Variants in SLC5A4 observed in about 807,000 individuals in gnomAD.
SLC5A4 encodes the protein probable glucose sensor protein SLC5A4.
A neutral mutation model predicts 70.3 loss-of-function variants in SLC5A4; 55 were observed. The observed-to-expected ratio is 0.78, with a 90% CI of 0.63 to 0.98. SLC5A4 has a LOEUF of 0.98. Ranked by LOEUF, SLC5A4 falls within the 50% of genes least tolerant of loss-of-function variation. SLC5A4 has a pLI of 0.00. For missense variants in SLC5A4, 735 were observed against 839.2 expected (o/e 0.88, Z 1.53); for synonymous variants, 268 against 305.7 (o/e 0.88, Z 1.29).
chr22:32,351,715 CGTGGGGGGAGGGTGGGGGCG>C, the SLC5A4 span, among the ~76,000 whole-genome samples: 4 of 12,726 alleles, frequency 3.1e-4, no homozygotes, highest in East Asian at 1.8e-3. Flanking sequence ...GGGTGGGGGG[CGTGGGGGGAGGGTGGGGGCG>C]GTGGGGGGAG....
chr22:32,335,021 G>A, the SLC5A4 span, among the ~76,000 whole-genome samples: 1 of 152,158 alleles, frequency 6.6e-6, no homozygotes, highest in Non-Finnish European at 1.5e-5. Flanking sequence ...AGAGAGCGGG[G>A]CCAGCTCGCA....
chr22:32,281,371 G>A, the SLC5A4 span, among the ~76,000 whole-genome samples: 1 of 152,184 alleles, frequency 6.6e-6, no homozygotes, highest in South Asian at 2.1e-4. Flanking sequence ...GGCGTGCAGG[G>A]GTGGGGAGGA....
At chr22:32,316,962 G>GTGTGTGTGTGTGTGTGTGTGTA in the SLC5A4 span, among the ~76,000 whole-genome samples, 1 of 150,564 alleles carries the variant, frequency 6.6e-6, no homozygotes, top group African/African-American at 2.4e-5. Flanking sequence ...GTGTGTGTGT[G>GTGTGTGTGTGTGTGTGTGTGTA]TAAAACACAG....
chr22:32,274,103 C>G, the SLC5A4 span, among the ~76,000 whole-genome samples: 95,164 of 150,200 alleles, frequency 0.63, 30,271 homozygotes, highest in South Asian at 0.69. Context: ...GCAGTGGCGT[C>G]ATCTCGGCTC....
intron 4 of SLC5A4, among the ~76,000 whole-genome samples, chr22:32,247,955 G>T (rs1372778434): frequency 6.6e-6 from 1 of 152,142 alleles, no homozygotes; most frequent in South Asian, 2.1e-4. Flanking sequence ...TCTTAGAGCT[G>T]ATCATAATGC....
the SLC5A4 span, among the ~76,000 whole-genome samples, chr22:32,337,093 C>A: frequency 1.3e-5 from 2 of 152,190 alleles, no homozygotes. Flanking sequence ...ATCAGTCTTT[C>A]GGCCTCCTCA....
the SLC5A4 span, among the ~76,000 whole-genome samples, chr22:32,325,386 A>T: frequency 6.7e-6 from 1 of 149,880 alleles, no homozygotes; most frequent in African/African-American, 2.4e-5. Flanking sequence ...GGAAAAAGTG[A>T]TCGGGAGCAG....
At chr22:32,337,665 C>T in the SLC5A4 span, among the ~76,000 whole-genome samples, 1 of 151,784 alleles carries the variant, frequency 6.6e-6, no homozygotes, top group Non-Finnish European at 1.5e-5. Flanking sequence ...CAGGGGCAAG[C>T]TGGTCAACAT....
At chr22:32,336,828 C>T in the SLC5A4 span, among the ~76,000 whole-genome samples, 1 of 152,238 alleles carries the variant, frequency 6.6e-6, no homozygotes, top group Non-Finnish European at 1.5e-5. Context: ...GGACAGAGTT[C>T]CTTAAGGGCA....
chr22:32,288,138 C>T, the SLC5A4 span, among the ~76,000 whole-genome samples: 1 of 151,874 alleles, frequency 6.6e-6, no homozygotes, highest in Non-Finnish European at 1.5e-5. Context: ...ACATGAGCCA[C>T]GGTGCCTAGC....
At chr22:32,303,162 C>T in the SLC5A4 span, among the ~76,000 whole-genome samples, 1 of 152,170 alleles carries the variant, frequency 6.6e-6, no homozygotes, top group African/African-American at 2.4e-5. Flanking sequence ...CATGACACAG[C>T]TTCAGAAGAT....
chr22:32,242,086 T>A (rs1305097336), intron 5 of SLC5A4, among the ~76,000 whole-genome samples: 1 of 152,142 alleles, frequency 6.6e-6, no homozygotes, highest in Non-Finnish European at 1.5e-5. Flanking sequence ...TGTGTGAATA[T>A]ATCTATTTAT....
the SLC5A4 span, among the ~76,000 whole-genome samples, chr22:32,291,195 G>GCTTA: frequency 4.9e-5 from 7 of 143,302 alleles, no homozygotes; most frequent in African/African-American, 1.8e-4. Context: ...TATACTTTGT[G>GCTTA]TTTGACTGTT....
At chr22:32,331,739 G>C in the SLC5A4 span, among the ~76,000 whole-genome samples, 1 of 152,106 alleles carries the variant, frequency 6.6e-6, no homozygotes, top group Non-Finnish European at 1.5e-5. Flanking sequence ...GGAGCGACAG[G>C]CGGAGGGCAG....
chr22:32,341,950 G>A, the SLC5A4 span, among the ~76,000 whole-genome samples: 2 of 152,000 alleles, frequency 1.3e-5, no homozygotes, highest in East Asian at 1.9e-4. Flanking sequence ...TTTTCTCCCC[G>A]ACATTTAACA....
chr22:32,300,112 G>A, the SLC5A4 span, among the ~76,000 whole-genome samples: 1 of 151,728 alleles, frequency 6.6e-6, no homozygotes, highest in Non-Finnish European at 1.5e-5. Flanking sequence ...CTTTTTGTTT[G>A]TCTGTGCCCT....
rs1191983533 is a variant in SLC5A4 at position 32,248,796 on chromosome 22, C to A, written c.319G>T (p.Val107Leu). 1.2e-6 allele frequency: 2 copies of A among 1,611,446 alleles called. No homozygotes were observed. The highest frequency in any genetic ancestry group is 1.7e-5 in the Admixed American group (1 of 59,988). Reference sequence around the variant, plus strand: ...ATCCACCCAAGAATCAGCAACATTACTGAGGACTACAAGGAACCAAAATAA... The same window carrying A: ...ATCCACCCAAGAATCAGCAACATTAATGAGGACTACAAGGAACCAAAATAA... Reference protein sequence around the residue: ...ATVTFEWTSSVMLLILGWIFV... With the variant: ...ATVTFEWTSSLMLLILGWIFV... Residue 107 changes from valine to leucine, a missense_variant, in exon 4 of 15, where the codon GTA becomes TTA. Transcript: ENST00000266086.
chr22:32,224,464 T>G lies in SLC5A4; in HGVS notation c.1468A>C (p.Met490Leu), dbSNP rs745747325. The G allele has an allele frequency of 4.3e-6, 7 of 1,613,584 alleles. No homozygotes were observed. The highest frequency in any genetic ancestry group is 5.9e-6 in the Non-Finnish European group (7 of 1,179,670). The change falls in exon 13 of 15, where the codon ATG becomes CTG. Residue 490 changes from methionine to leucine, a missense_variant. By Grantham distance (15) the Met-to-Leu change is conservative (BLOSUM62 2). Transcript: ENST00000266086. The stretch of plus-strand genomic sequence containing the variant: ...ATGAGGCCCATTGCAAGTCCAACCA[T>G]TAGACCCCAGAATGCTCCCTGCAAA... Reference protein sequence around the residue: ...VNEQGAFWGLMVGLAMGLIRM... With the variant: ...VNEQGAFWGLLVGLAMGLIRM...
the SLC5A4 span, among the ~76,000 whole-genome samples, chr22:32,311,754 T>C: frequency 1.3e-5 from 2 of 152,034 alleles, no homozygotes; most frequent in African/African-American, 4.8e-5. Flanking sequence ...AGCAGGTGCT[T>C]AGCCAGAATG....
Sources: gnomAD v4.1 joint callset for allele counts (sites outside exome capture counted in the v4.1 genomes callset) on GRCh38, gnomAD v4.1.1 for gene constraint, MANE v1.5 for transcripts, NCBI Gene and HGNC (gene_info 2026-07-23, HGNC 2026-07-21) for gene names.